Variants in ZC3H6 observed in about 807,000 individuals in gnomAD.
ZC3H6 encodes the protein zinc finger CCCH-type containing 6.
In ZC3H6, 40 loss-of-function variants were observed where a neutral mutation model predicts 107.7. The ratio of observed to expected loss-of-function variants is 0.37; its 90% CI spans 0.29 to 0.48. The LOEUF (loss-of-function observed/expected upper bound fraction) is 0.48. Among genes scored for constraint, ZC3H6 ranks in the 20% least tolerant of loss-of-function variants. The pLI, the probability that ZC3H6 is intolerant of heterozygous loss-of-function variation, is 0.98. For missense variants in ZC3H6, 1,267 were observed against 1,410.4 expected (o/e 0.90, Z 1.63); for synonymous variants, 493 against 487.9 (o/e 1.01, Z -0.14).
chr2:112,312,209 T>C, intron 5 of ZC3H6: 1 of 276,178 alleles, frequency 3.6e-6, no homozygotes, highest in South Asian at 7.7e-5. Flanking sequence ...ATATCCTCTA[T>C]TAGTCTTCTT....
At chr2:112,296,256 C>T (rs183840496) in intron 1 of ZC3H6, among the ~76,000 whole-genome samples, 184 of 152,146 alleles carry the variant, frequency 1.2e-3, no homozygotes, top group African/African-American at 4.4e-3. Context: ...ATTGGTTTGT[C>T]TGTTTTCAAA....
intron 1 of ZC3H6, among the ~76,000 whole-genome samples, chr2:112,298,869 A>AT (rs1676301664): frequency 6.6e-6 from 1 of 152,246 alleles, no homozygotes; most frequent in African/African-American, 2.4e-5. Context: ...CTGATACAGT[A>AT]TTTTTTAACT....
Position 112,316,523 on chromosome 2 carries a change from G to A in ZC3H6, c.801G>A (p.Gln267=), listed in dbSNP as rs753820412. Residue 267 remains glutamine, a synonymous_variant, in exon 6 of 12, where the codon CAG becomes CAA. Transcript: ENST00000409871. ...WKVMTQEFIN[Q]HTVEHKGKQI... ...TTATGACTCAGGAATTTATTAATCAGCACACAGTGGAACACAAAGGAAAAC... is the reference window on the plus strand; with the variant it reads ...TTATGACTCAGGAATTTATTAATCAACACACAGTGGAACACAAAGGAAAAC... The A allele has an allele frequency of 1.2e-6, 2 of 1,610,502 alleles. No homozygotes were observed. The highest frequency in any genetic ancestry group is 2.2e-5 in the East Asian group (1 of 44,546).
chr2:112,303,842 G>A (rs1205551195), intron 3 of ZC3H6, among the ~76,000 whole-genome samples: 1 of 152,102 alleles, frequency 6.6e-6, no homozygotes, highest in Non-Finnish European at 1.5e-5. Flanking sequence ...TTGCTATTGT[G>A]AATCATGCTG....
At position 112,293,883 on chromosome 2, in the gene ZC3H6, C is replaced by T. The variant is rs114348088; in HGVS notation, c.33-5966C>T. ...CATGTCCCTCATCCGCAGGGTAACA[C>T]TGAAACTAAACGGGACCACATGATA... On this transcript the variant is annotated intron_variant, in intron 1 of 11. Transcript: ENST00000409871. 4.6e-3 allele frequency among the ~76,000 whole-genome samples: 703 copies of T among 152,300 alleles called. 6 individuals carry two copies. Among genetic ancestry groups the T allele is most frequent in the African/African-American group, 0.016 (669 of 41,554 alleles).
Position 112,276,026 on chromosome 2 carries a change from G to A in ZC3H6, c.32G>A (p.Arg11Lys). 1 of 1,542,206 alleles carries A rather than the reference G, an allele frequency of 6.5e-7. No homozygotes were observed. Among genetic ancestry groups the A allele is most frequent in the Non-Finnish European group, 8.7e-7 (1 of 1,143,290 alleles). MTDSEHAGHD[R>K]EDGELEDGEI... ...GACTCTGAACATGCAGGGCACGACAGGTCGGGAACCCTTCTTGTCTGTCTT... is the reference window on the plus strand; with the variant it reads ...GACTCTGAACATGCAGGGCACGACAAGTCGGGAACCCTTCTTGTCTGTCTT... Residue 11 changes from arginine (R) to lysine (K), a missense_variant and splice_region_variant, in exon 1 of 12, where the codon AGA becomes AAA. Arg to Lys is a conservative substitution (Grantham distance 26). Coordinates refer to ENST00000409871, the MANE Select transcript of ZC3H6 (RefSeq NM_198581.3).
intron 8 of ZC3H6, 117 bp downstream of exon 8, chr2:112,321,982 A>T: frequency 2.0e-6 from 1 of 489,974 alleles, no homozygotes; most frequent in East Asian, 3.5e-5. Context: ...ACTATTTTAT[A>T]TTTTATTCTA....
At chr2:112,279,118 A>G (rs1408339618) in intron 1 of ZC3H6, among the ~76,000 whole-genome samples, 2 of 152,246 alleles carry the variant, frequency 1.3e-5, no homozygotes, top group African/African-American at 4.8e-5. Flanking sequence ...GGACTTTTGC[A>G]TAAGCCCAGA....
chr2:112,332,027 G>C lies in ZC3H6; in HGVS notation c.3109G>C (p.Gly1037Arg). The C allele has an allele frequency of 6.2e-7, 1 of 1,613,964 alleles. No individual in the cohort carries two copies. Among genetic ancestry groups the C allele is most frequent in the Non-Finnish European group, 8.5e-7 (1 of 1,179,892 alleles). ...CTCTTCCTCAGCTGGCCTTCCACTG[G>C]GAACTTCCACTTCAGTTCTTAGTGG... ...KLSSSAGLPL[G>R]TSTSVLSGIS... Residue 1037 changes from glycine to arginine, a missense_variant, in exon 12 of 12, where the codon GGA (glycine) becomes CGA (arginine). Physicochemically the swap from Gly to Arg is moderately radical, Grantham distance 125. Transcript: ENST00000409871.
intron 11 of ZC3H6, 80 bp from the exon 12 acceptor site, chr2:112,330,925 T>C: frequency 1.6e-6 from 1 of 610,804 alleles, no homozygotes; most frequent in Non-Finnish European, 2.2e-6. Context: ...TAAAGAATAA[T>C]TTATAATTAT....
intron 1 of ZC3H6, among the ~76,000 whole-genome samples, chr2:112,295,743 T>C (rs1344844259): frequency 1.3e-5 from 2 of 152,130 alleles, no homozygotes; most frequent in African/African-American, 4.8e-5. Flanking sequence ...AAATGATAAG[T>C]AGGCTAAGGG....
At chr2:112,287,950 C>T (rs1281623314) in intron 1 of ZC3H6, among the ~76,000 whole-genome samples, 2 of 152,210 alleles carry the variant, frequency 1.3e-5, no homozygotes, top group Admixed American at 6.5e-5. Context: ...ACATGGCATG[C>T]CTTTCTGTTT....
intron 2 of ZC3H6, among the ~76,000 whole-genome samples, chr2:112,302,557 C>T (rs1443393514): frequency 6.6e-6 from 1 of 152,010 alleles, no homozygotes; most frequent in Non-Finnish European, 1.5e-5. Flanking sequence ...AATGTAAGAA[C>T]TCTTTAAAGA....
chr2:112,329,381 A>G (rs1254474671), intron 11 of ZC3H6, among the ~76,000 whole-genome samples: 2 of 152,218 alleles, frequency 1.3e-5, no homozygotes, highest in Admixed American at 6.5e-5. Flanking sequence ...AACAAATACT[A>G]TGAGGAGTGA....
chr2:112,283,005 A>G (rs896760675), intron 1 of ZC3H6, among the ~76,000 whole-genome samples: 2 of 152,126 alleles, frequency 1.3e-5, no homozygotes, highest in African/African-American at 4.8e-5. Flanking sequence ...TATTTCTGGT[A>G]GATATATTTT....
chr2:112,303,158 G>A lies in ZC3H6; in HGVS notation c.214-71G>A, dbSNP rs371247011. 2,630 of 1,542,850 alleles carry A rather than the reference G, an allele frequency of 1.7e-3. 34 individuals carry two copies. The South Asian group carries it at 0.019, about 11-fold the overall frequency. On this transcript the variant is annotated intron_variant, in intron 2 of 11. Transcript: ENST00000409871. ...TGGTTGGTACCTCTGGCTGAAACAA[G>A]CTTATCTAATTACTAGTTAAATTTT... is the stretch of plus-strand genomic sequence containing the variant.
In ZC3H6 at chr2:112,331,294, A is replaced by C; in HGVS notation, c.2376A>C (p.Gly792=). The C allele has an allele frequency of 1.2e-6, 2 of 1,613,684 alleles. No homozygotes were observed. The highest frequency in any genetic ancestry group is 1.7e-6 in the Non-Finnish European group (2 of 1,179,892). ...AWDPRKLRGN[G]SGHIGSSVGG... ...ATCCCAGGAAATTGAGAGGGAATGG[A>C]AGTGGTCACATAGGCTCTTCTGTTG... Residue 792 remains glycine (G), a synonymous_variant, in exon 12 of 12, where the codon GGA becomes GGC. Coordinates refer to ENST00000409871, the MANE Select transcript of ZC3H6 (RefSeq NM_198581.3).
chr2:112,332,471 G>C lies in ZC3H6; in HGVS notation c.3553G>C (p.Ala1185Pro). ...KEVFKTFDPT[A>P]SPFC ...GGTTTTTAAAACTTTTGATCCAACT[G>C]CTTCACCATTTTGTTAGCTATTGTG... Residue 1185 changes from alanine to proline, a missense_variant, in exon 12 of 12, where the codon GCT becomes CCT. Ala to Pro is a conservative substitution (Grantham distance 27). Around this residue, in one of 3 missense-constraint regions of ZC3H6, gnomAD observed 925 missense variants for 1,025.7 expected, o/e 0.90. Coordinates refer to ENST00000409871, the MANE Select transcript of ZC3H6 (RefSeq NM_198581.3). 1 of 1,606,182 alleles carries C rather than the reference G, an allele frequency of 6.2e-7. No individual in the cohort carries two copies.
At chr2:112,280,800 T>A (rs905133463) in intron 1 of ZC3H6, among the ~76,000 whole-genome samples, 1 of 151,928 alleles carries the variant, frequency 6.6e-6, no homozygotes, top group Non-Finnish European at 1.5e-5. Context: ...ATGTGGAGAG[T>A]GTACAACTAT....
Sources: allele counts gnomAD v4.1 joint callset (sites outside exome capture counted in the v4.1 genomes callset), GRCh38; gene constraint gnomAD v4.1.1; regional missense constraint gnomAD v4.1.1; transcripts MANE v1.5; gene names NCBI Gene and HGNC (gene_info 2026-07-23, HGNC 2026-07-21).